UNC13C: variants seen among roughly 807,000 people sequenced by gnomAD.
The protein encoded by UNC13C is protein unc-13 homolog C.
A neutral mutation model predicts 245.4 loss-of-function variants in UNC13C; 174 were observed. The observed-to-expected ratio is 0.71, with a 90% confidence interval of 0.63 to 0.80. The LOEUF (loss-of-function observed/expected upper bound fraction) is 0.80, where lower values mean the gene tolerates loss of function less well. UNC13C is among the 30% of genes least tolerant of loss of function. UNC13C has a pLI of 0.00. For missense variants in UNC13C, 2,829 were observed against 2,602.9 expected, an observed-to-expected ratio of 1.09 and a Z score of -1.89; for synonymous variants, 992 against 895.1, an observed-to-expected ratio of 1.11 and a Z score of -1.93.
intron 30 of UNC13C, 32 bp from the exon 31 acceptor site, chr15:54,622,295 G>A (rs1435557988): frequency 6.8e-7 from 1 of 1,475,652 alleles, no homozygotes; most frequent in South Asian, 1.1e-5. Context: ...GAGTCTGAAA[G>A]CTCAGGCCAG....
At chr15:54,139,722 T>C (rs896715933) in intron 2 of UNC13C, among the ~76,000 whole-genome samples, 1 of 152,182 alleles carries the variant, frequency 6.6e-6, no homozygotes, top group African/African-American at 2.4e-5. Context: ...TTACCATTGT[T>C]GCATTTTAAT....
At chr15:54,029,892 A>G (rs1272085415) in intron 2 of UNC13C, among the ~76,000 whole-genome samples, 2 of 152,078 alleles carry the variant, frequency 1.3e-5, no homozygotes, top group African/African-American at 4.8e-5. Context: ...ATCTTTTCAG[A>G]TCTCTGCCTC....
In UNC13C at chr15:54,455,208, T is replaced by TCTCTCTCC. The variant is rs1567289113; in HGVS notation, c.4934-39400_4934-39399insCTCTCTCC. Among the ~76,000 whole-genome samples the TCTCTCTCC allele has an allele frequency of 2.5e-3, 143 of 56,660 alleles. 10 individuals are homozygous for TCTCTCTCC. Among genetic ancestry groups the TCTCTCTCC allele is most frequent in the African/African-American group, 7.3e-3 (98 of 13,418 alleles). 37.2% of individuals were successfully genotyped at this position (56,660 alleles called of 152,430 possible). On this transcript the variant is annotated intron_variant, in intron 19 of 32. Coordinates refer to ENST00000260323, the MANE Select transcript of UNC13C (RefSeq NM_001080534.3). ...CTCTCTCTCTCTCTCTCTCTCTCTATATATATATATATATATATATATATA... is the reference window on the plus strand; with the variant it reads ...CTCTCTCTCTCTCTCTCTCTCTCTATCTCTCTCCATATATATATATATATATATATATA...
intron 24 of UNC13C, among the ~76,000 whole-genome samples, chr15:54,519,122 G>C (rs1895106630): frequency 6.6e-6 from 1 of 152,066 alleles, no homozygotes; most frequent in African/African-American, 2.4e-5. Flanking sequence ...CAACGAGGAA[G>C]TTGAACTATG....
intron 19 of UNC13C, among the ~76,000 whole-genome samples, chr15:54,453,862 A>G (rs1891322465): frequency 6.6e-6 from 1 of 152,178 alleles, no homozygotes. Context: ...TGTACAATTC[A>G]GTGGCATTTA....
chr15:54,443,707 G>A (rs1890654777), intron 19 of UNC13C, among the ~76,000 whole-genome samples: 1 of 151,912 alleles, frequency 6.6e-6, no homozygotes, highest in African/African-American at 2.4e-5. Flanking sequence ...ATGTATTTGT[G>A]TAGTTTCCAA....
At chr15:54,266,243 G>A (rs1364451560) in intron 10 of UNC13C, among the ~76,000 whole-genome samples, 4 of 151,960 alleles carry the variant, frequency 2.6e-5, no homozygotes, top group Admixed American at 2.6e-4. Flanking sequence ...TATTGTGTAA[G>A]AAGTAGAGTT....
downstream of UNC13C, chr15:54,629,922 T>G (rs1050583695): frequency 6.6e-6 from 1 of 152,034 alleles, no homozygotes; most frequent in Admixed American, 6.5e-5. Flanking sequence ...GTACTAATTT[T>G]GAAATGATTA....
intron 30 of UNC13C, among the ~76,000 whole-genome samples, chr15:54,610,867 T>A (rs1900054622): frequency 6.6e-6 from 1 of 152,230 alleles, no homozygotes; most frequent in African/African-American, 2.4e-5. Context: ...CCAAAATTTG[T>A]GTTTCAATGA....
intron 26 of UNC13C, among the ~76,000 whole-genome samples, chr15:54,544,400 C>A (rs1393652566): frequency 6.6e-6 from 1 of 152,088 alleles, no homozygotes; most frequent in Admixed American, 6.6e-5. Flanking sequence ...ACAAGGATGC[C>A]CTCTCTCACC....
chr15:54,003,795 G>A (rs1200196459), intron 1 of UNC13C, among the ~76,000 whole-genome samples: 2 of 152,130 alleles, frequency 1.3e-5, no homozygotes, highest in African/African-American at 2.4e-5. Context: ...GGTGGATCAC[G>A]AGGTCAGGAG....
intron 2 of UNC13C, among the ~76,000 whole-genome samples, chr15:54,067,472 T>C (rs558957906): frequency 3.9e-5 from 6 of 152,346 alleles, no homozygotes; most frequent in African/African-American, 1.4e-4. Flanking sequence ...GGAGAATTCA[T>C]TATTTCAGTC....
At chr15:54,036,429 G>A (rs1896580037) in intron 2 of UNC13C, among the ~76,000 whole-genome samples, 1 of 152,134 alleles carries the variant, frequency 6.6e-6, no homozygotes, top group South Asian at 2.1e-4. Context: ...GCCCAGAAAT[G>A]TTATGCATTT....
chr15:53,863,501 T>C, the UNC13C span, among the ~76,000 whole-genome samples: 1 of 152,238 alleles, frequency 6.6e-6, no homozygotes, highest in East Asian at 1.9e-4. Flanking sequence ...GATATTGTTA[T>C]ACAGGCACAA....
At chr15:53,847,314 G>C in the UNC13C span, among the ~76,000 whole-genome samples, 6 of 151,592 alleles carry the variant, frequency 4.0e-5, no homozygotes, top group East Asian at 1.2e-3. Context: ...AACAAAAAGA[G>C]AAAGGTTATA....
At chr15:53,875,634 G>A in the UNC13C span, among the ~76,000 whole-genome samples, 1 of 152,172 alleles carries the variant, frequency 6.6e-6, no homozygotes, top group African/African-American at 2.4e-5. Context: ...TGATGTGTAA[G>A]ATTGATTGAG....
chr15:54,244,528 G>A (rs2035942064), intron 7 of UNC13C, among the ~76,000 whole-genome samples: 1 of 152,134 alleles, frequency 6.6e-6, no homozygotes, highest in African/African-American at 2.4e-5. Flanking sequence ...GTAGTTTAAA[G>A]GGAGTGGCAT....
intron 19 of UNC13C, among the ~76,000 whole-genome samples, chr15:54,457,949 G>C (rs1269498542): frequency 1.6e-5 from 1 of 63,734 alleles, no homozygotes; most frequent in South Asian, 5.0e-4. Flanking sequence ...GTTCGTTCTT[G>C]TTTCTCCAGT....
At chr15:54,612,025 TAA>T (rs755685111) in intron 30 of UNC13C, among the ~76,000 whole-genome samples, 116 of 152,178 alleles carry the variant, frequency 7.6e-4, no homozygotes, top group Non-Finnish European at 1.2e-3. Context: ...AATTACAAAA[TAA>T]GTTTATTTCT....
Sources: allele counts gnomAD v4.1 joint callset (sites outside exome capture counted in the v4.1 genomes callset), GRCh38; gene constraint gnomAD v4.1.1; transcripts MANE v1.5; gene names NCBI Gene and HGNC (gene_info 2026-07-23, HGNC 2026-07-21).